Variants in DPYSL2 observed in about 807,000 individuals in gnomAD.
DPYSL2 encodes dihydropyrimidinase like 2, also known as dihydropyrimidinase-related protein 2.
Under a neutral mutation model 69.9 loss-of-function variants are expected in DPYSL2, and 13 were observed. The ratio of observed to expected loss-of-function variants is 0.19; its 90% confidence interval spans 0.12 to 0.30. The LOEUF is 0.30. DPYSL2 is among the 10% of genes least tolerant of loss of function. The pLI is 1.00. For missense variants in DPYSL2, 587 were observed against 918.9 expected, an observed-to-expected ratio of 0.64 and a Z score of 4.67; for synonymous variants, 326 against 359.1, an observed-to-expected ratio of 0.91 and a Z score of 1.04.
chr8:26,541,333 GT>G (rs773939849), intron 1 of DPYSL2, among the ~76,000 whole-genome samples: 4 of 152,154 alleles, frequency 2.6e-5, no homozygotes, highest in Non-Finnish European at 5.9e-5. Flanking sequence ...TGGAGAGATA[GT>G]TTTTCTCAAA....
chr8:26,561,041 A>G (rs1198969428), intron 1 of DPYSL2, among the ~76,000 whole-genome samples: 1 of 152,136 alleles, frequency 6.6e-6, no homozygotes, highest in Non-Finnish European at 1.5e-5. Context: ...ACCTGCCGTC[A>G]GCAGCCTTGA....
chr8:26,554,135 G>C (rs546011481), intron 1 of DPYSL2, among the ~76,000 whole-genome samples: 1 of 151,894 alleles, frequency 6.6e-6, no homozygotes, highest in Non-Finnish European at 1.5e-5. Context: ...TGATCCACCC[G>C]CCTTGGCCTC....
At chr8:26,577,337 C>A (rs919825130) in intron 1 of DPYSL2, 49 of 216,464 alleles carry the variant, frequency 2.3e-4, no homozygotes, top group Non-Finnish European at 4.0e-4. Context: ...GCCGCCGTTC[C>A]AGTCCTCAGC....
At chr8:26,531,245 G>A (rs376227450) in intron 1 of DPYSL2, among the ~76,000 whole-genome samples, 3 of 152,076 alleles carry the variant, frequency 2.0e-5, no homozygotes, top group Non-Finnish European at 4.4e-5. Context: ...GGAAATTGAG[G>A]AGGCCCACAA....
At chr8:26,534,510 C>A (rs1800560339) in intron 1 of DPYSL2, among the ~76,000 whole-genome samples, 1 of 152,096 alleles carries the variant, frequency 6.6e-6, no homozygotes, top group Non-Finnish European at 1.5e-5. Context: ...GCTCTGGAGC[C>A]AGTTACCACT....
intron 3 of DPYSL2, among the ~76,000 whole-genome samples, chr8:26,607,080 T>C (rs887050896): frequency 1.3e-5 from 2 of 152,220 alleles, no homozygotes; most frequent in Admixed American, 6.5e-5. Context: ...AGGATGTTCA[T>C]TGTAGCATTA....
rs984454474 is a variant in DPYSL2, at chr8:26,642,047, G to A, written c.1127-1392G>A. Among the ~76,000 whole-genome samples, 2 of 152,244 alleles carry A rather than the reference G, an allele frequency of 1.3e-5. No homozygotes were observed. Among genetic ancestry groups the A allele is most frequent in the Non-Finnish European group, 2.9e-5 (2 of 68,046 alleles). On this transcript the variant is annotated intron_variant, in intron 8 of 13. Coordinates refer to ENST00000521913, the MANE Select transcript of DPYSL2 (RefSeq NM_001197293.3). The surrounding 1 kb of genome is among the most constrained non-coding windows in gnomAD (Gnocchi z 5.3). ...GGAAGTAGAGAAGCTTGGCTGCATT[G>A]TTGTGGGGTGGGAGTTAGCCCTGTG...
In DPYSL2 at chr8:26,625,795, A is replaced by T. The variant is rs113838588; in HGVS notation, c.794-822A>T. On this transcript the variant is annotated intron_variant, in intron 4 of 13. Coordinates refer to ENST00000521913, the MANE Select transcript of DPYSL2 (RefSeq NM_001197293.3). ...CAGTCGCAACAGACTTGTTTGGTAG[A>T]GGCAGCTTAAAAAATTAACTGTGGT... Among the ~76,000 whole-genome samples the T allele has an allele frequency of 4.2e-3, 639 of 152,364 alleles. 2 individuals are homozygous for T. The highest frequency in any genetic ancestry group is 0.014 in the African/African-American group (578 of 41,584).
At chr8:26,561,364 C>T (rs1040400365) in intron 1 of DPYSL2, among the ~76,000 whole-genome samples, 5 of 152,120 alleles carry the variant, frequency 3.3e-5, no homozygotes, top group African/African-American at 4.8e-5. Flanking sequence ...CAGCTGGTGT[C>T]GTAGAATTAT....
Position 26,514,457 on chromosome 8 carries a change from C to G in DPYSL2, c.132C>G (p.Ser44=), listed in dbSNP as rs1485614223. 6.5e-7 allele frequency: 1 copy of G among 1,528,694 alleles called. No individual in the cohort carries two copies. 94.7% of individuals were successfully genotyped at this position (1,528,694 alleles called of 1,614,324 possible). Residue 44 remains serine, a synonymous_variant, in exon 1 of 14, where the codon TCC becomes TCG. Transcript: ENST00000521913. This position sits in a 1 kb window ranked among gnomAD's most constrained non-coding sequence, Gnocchi z 8.4. ...GCATGTTCTGCCCGGTGGAAGGGTC[C>G]TCGGAGAACAAGACCATCGACTTCG... The part of the protein sequence containing the change: ...FCGMFCPVEG[S]SENKTIDFDS...
At chr8:26,613,756 C>A (rs1802287833) in intron 3 of DPYSL2, among the ~76,000 whole-genome samples, 1 of 152,154 alleles carries the variant, frequency 6.6e-6, no homozygotes, top group Non-Finnish European at 1.5e-5. Context: ...CTCTTCAGAA[C>A]CCCAACTTGG....
Position 26,562,536 on chromosome 8 carries a change from G to C in DPYSL2, c.355-19433G>C, listed in dbSNP as rs368598847. On this transcript the variant is annotated intron_variant, in intron 1 of 13. Transcript: ENST00000521913. The surrounding 1 kb of genome is among the most constrained non-coding windows in gnomAD (Gnocchi z 4.9). ...ATATAAAAAGTATTGGTCAGATTTT[G>C]TTGTTCCCGATTAGAATGCTTAAAT... Among the ~76,000 whole-genome samples, 2 of 152,136 alleles carry C rather than the reference G, an allele frequency of 1.3e-5. No individual in the cohort carries two copies. Among genetic ancestry groups the C allele is most frequent in the Non-Finnish European group, 2.9e-5 (2 of 68,022 alleles).
Position 26,577,726 on chromosome 8 carries a change from C to G in DPYSL2, c.355-4243C>G, listed in dbSNP as rs1238754180. The G allele has an allele frequency of 3.5e-6, 3 of 857,238 alleles. No individual in the cohort carries two copies. In the African/African-American group the frequency reaches 5.5e-5, roughly 16 times the overall value. The allele number at this position is 857,238 out of a possible 1,614,324, so 53.1% of individuals were successfully genotyped here. On this transcript the variant is annotated intron_variant, in intron 1 of 13. Transcript: ENST00000521913. ...CCGAAGAAAGCGCGCGAAAGGCGCG[C>G]TCCCAGCGCGGGCGCTCGCGCCGCC...
At chr8:26,570,610 T>A (rs1334022802) in intron 1 of DPYSL2, among the ~76,000 whole-genome samples, 4 of 151,958 alleles carry the variant, frequency 2.6e-5, no homozygotes, top group Non-Finnish European at 5.9e-5. Flanking sequence ...GGTGGGCACC[T>A]GTAATCCCAG....
At chr8:26,577,245 AG>A in intron 1 of DPYSL2, 1 of 406,792 alleles carries the variant, frequency 2.5e-6, no homozygotes, top group Non-Finnish European at 4.9e-6. Context: ...CGCCCCCAGG[AG>A]CCGGGCCCGG....
intron 1 of DPYSL2, among the ~76,000 whole-genome samples, chr8:26,561,671 G>T (rs1801073215): frequency 6.6e-6 from 1 of 152,136 alleles, no homozygotes; most frequent in Admixed American, 6.5e-5. Context: ...TCCATGGAAA[G>T]AGGGACTGGG....
intron 1 of DPYSL2, among the ~76,000 whole-genome samples, chr8:26,515,291 G>GAGT (rs906247459): frequency 6.6e-6 from 1 of 152,210 alleles, no homozygotes; most frequent in African/African-American, 2.4e-5. Context: ...GAAGGCTGTG[G>GAGT]AGTCACCCGA....
At chr8:26,602,290 T>A (rs894931134) in intron 3 of DPYSL2, among the ~76,000 whole-genome samples, 20 of 152,144 alleles carry the variant, frequency 1.3e-4, no homozygotes, top group African/African-American at 4.1e-4. Context: ...TATTTTTTTT[T>A]AATTTTATAT....
In DPYSL2 at chr8:26,514,378, C is replaced by CT; in HGVS notation, c.60dup (p.Lys21Ter). 3.3e-6 allele frequency: 5 copies of CT among 1,515,000 alleles called. No individual in the cohort carries two copies. Among genetic ancestry groups the CT allele is most frequent in the Admixed American group, 2.1e-5 (1 of 47,234 alleles). 93.8% of individuals were successfully genotyped at this position (1,515,000 alleles called of 1,614,324 possible). A position where few individuals can be genotyped will look rare whatever the true frequency, so the allele number is the denominator to read the frequency against. Reference sequence around the variant, plus strand: ...GCGGCAGAGGACGAAGAGGTCCCTGCTTTTTTTAAAAACCTGGGCTCCGGC... The same window carrying CT: ...GCGGCAGAGGACGAAGAGGTCCCTGCTTTTTTTTAAAAACCTGGGCTCCGGC... On this transcript the variant is annotated frameshift_variant, in exon 1 of 14. Transcript: ENST00000521913. LOFTEE classifies it high-confidence loss of function. The surrounding 1 kb of genome is among the most constrained non-coding windows in gnomAD (Gnocchi z 8.4).
Sources: gnomAD v4.1 joint callset for allele counts (sites outside exome capture counted in the v4.1 genomes callset) on GRCh38, gnomAD v4.1.1 for gene constraint, Gnocchi (gnomAD v3.1) non-coding constraint, MANE v1.5 for transcripts, NCBI Gene and HGNC (gene_info 2026-07-23, HGNC 2026-07-21) for gene names.